Variants in MCC observed in about 807,000 individuals in gnomAD.
The protein encoded by MCC is colorectal mutant cancer protein.
A neutral mutation model predicts 116.2 loss-of-function variants in MCC; 90 were observed. The observed-to-expected ratio is 0.77, with a 90% CI of 0.65 to 0.92. MCC has a LOEUF of 0.92. Ranked by LOEUF, MCC falls within the 40% of genes least tolerant of loss-of-function variation. MCC has a pLI of 0.00. For synonymous variants in MCC, 578 were observed against 510.5 expected (o/e 1.13, Z -1.78); for missense variants, 1,516 against 1,312.2 (o/e 1.16, Z -2.40).
chr5:113,132,745 A>C (rs1184230402), intron 5 of MCC, among the ~76,000 whole-genome samples: 1 of 152,090 alleles, frequency 6.6e-6, no homozygotes, highest in Non-Finnish European at 1.5e-5. Flanking sequence ...AACTTTTACC[A>C]CTGGATAATT....
intron 3 of MCC, among the ~76,000 whole-genome samples, chr5:113,261,192 C>G (rs1381774788): frequency 2.0e-5 from 3 of 152,152 alleles, no homozygotes; most frequent in Non-Finnish European, 2.9e-5. Context: ...GCTCAAAACA[C>G]TTGCACTAGC....
rs1764148895 is a variant in MCC, at chr5:113,236,782, C to G, written c.628-85360G>C. On this transcript the variant is annotated intron_variant, in intron 3 of 18. Coordinates refer to ENST00000408903, the MANE Select transcript of MCC (RefSeq NM_001085377.2). ...GAGGAGAACTAAGGCCCCTCCCTCC[C>G]TCCTCAAACTGATCGGATGTTTGTT... Among the ~76,000 whole-genome samples, 3 of 152,158 alleles carry G rather than the reference C, an allele frequency of 2.0e-5. No individual in the cohort carries two copies. The South Asian group carries it at 6.2e-4, about 32-fold the overall frequency.
rs140640086 is a variant in MCC, at chr5:113,193,402, T to C, written c.628-41980A>G. Among the ~76,000 whole-genome samples the C allele has an allele frequency of 1.6e-4, 24 of 152,328 alleles. No individual in the cohort carries two copies. In the East Asian group the frequency reaches 4.6e-3, roughly 29 times the overall value. ...TTCAACCCAACAGATGTTCTTATTA[T>C]ATTAAGCTATTTGAGAATGGTAACA... On this transcript the variant is annotated intron_variant, in intron 3 of 18. Transcript: ENST00000408903.
intron 1 of MCC, among the ~76,000 whole-genome samples, chr5:113,463,467 A>G (rs1561585762): frequency 6.6e-6 from 1 of 152,300 alleles, no homozygotes; most frequent in South Asian, 2.1e-4. Context: ...AAAAGGTAAA[A>G]TAATAGGACT....
intron 5 of MCC, among the ~76,000 whole-genome samples, chr5:113,137,841 A>ATCTCT (rs1205168669): frequency 1.6e-4 from 24 of 152,040 alleles, no homozygotes; most frequent in African/African-American, 5.8e-4. Flanking sequence ...GGCATTGAAA[A>ATCTCT]AGGTTACCTC....
chr5:113,384,547 C>T (rs1769201840), intron 2 of MCC, among the ~76,000 whole-genome samples: 1 of 152,208 alleles, frequency 6.6e-6, no homozygotes, highest in Non-Finnish European at 1.5e-5. Context: ...GAGATCCCGC[C>T]ACTGCACGCC....
At chr5:113,166,736 A>G (rs368838463) in intron 3 of MCC, among the ~76,000 whole-genome samples, 3,074 of 151,364 alleles carry the variant, frequency 0.02, 123 homozygotes, top group African/African-American at 0.07. Flanking sequence ...CCAAAAAACC[A>G]AAAAAACAAA....
chr5:113,448,410 T>C (rs1210358509), intron 1 of MCC: 1 of 151,836 alleles, frequency 6.6e-6, no homozygotes, highest in East Asian at 1.9e-4. Flanking sequence ...GGGTAAACAC[T>C]TTGTTTAAAT....
chr5:113,390,454 A>G (rs1347672562), intron 1 of MCC, among the ~76,000 whole-genome samples: 1 of 152,178 alleles, frequency 6.6e-6, no homozygotes, highest in Non-Finnish European at 1.5e-5. Flanking sequence ...GCAGAACTAA[A>G]ATGACTTCAG....
chr5:113,179,795 G>T (rs1240192824), intron 3 of MCC, among the ~76,000 whole-genome samples: 1 of 152,184 alleles, frequency 6.6e-6, no homozygotes, highest in Non-Finnish European at 1.5e-5. Context: ...GAACATTAGA[G>T]CCAAGGCCTG....
chr5:113,396,850 T>A (rs1432342963), intron 1 of MCC, among the ~76,000 whole-genome samples: 1 of 152,204 alleles, frequency 6.6e-6, no homozygotes, highest in Non-Finnish European at 1.5e-5. Context: ...TTTCTTCTTT[T>A]GCTTTTGATC....
chr5:113,280,714 G>T (rs1766011202), intron 3 of MCC, among the ~76,000 whole-genome samples: 1 of 152,164 alleles, frequency 6.6e-6, no homozygotes, highest in Admixed American at 6.5e-5. Context: ...GGAGGAGGAG[G>T]AAGAATACTG....
chr5:113,253,057 A>C (rs1764860952), intron 3 of MCC, among the ~76,000 whole-genome samples: 1 of 152,190 alleles, frequency 6.6e-6, no homozygotes, highest in Non-Finnish European at 1.5e-5. Flanking sequence ...GTAATACCCC[A>C]GGGCTTCTAG....
chr5:113,038,412 G>A (rs1751463858), intron 17 of MCC, among the ~76,000 whole-genome samples: 1 of 152,134 alleles, frequency 6.6e-6, no homozygotes, highest in African/African-American at 2.4e-5. Context: ...GTTAAGGAGG[G>A]GAGTTGGGGG....
At chr5:113,079,045 G>C (rs1219900263) in intron 11 of MCC, among the ~76,000 whole-genome samples, 3 of 152,108 alleles carry the variant, frequency 2.0e-5, no homozygotes, top group African/African-American at 7.2e-5. Flanking sequence ...ATCATGAGTG[G>C]ACTCCCATTC....
chr5:113,192,728 C>A (rs1762206098), intron 3 of MCC, among the ~76,000 whole-genome samples: 1 of 152,196 alleles, frequency 6.6e-6, no homozygotes, highest in East Asian at 1.9e-4. Context: ...AAGGAAGAAC[C>A]TGCTAAGCCT....
At chr5:113,042,653 GTC>G (rs1365072494) in intron 17 of MCC, among the ~76,000 whole-genome samples, 2 of 151,766 alleles carry the variant, frequency 1.3e-5, no homozygotes, top group African/African-American at 4.8e-5. Context: ...CAAAAAATCT[GTC>G]TCTCCAGAAC....
At chr5:113,120,903 T>C (rs1757698180) in intron 6 of MCC, among the ~76,000 whole-genome samples, 1 of 152,174 alleles carries the variant, frequency 6.6e-6, no homozygotes, top group African/African-American at 2.4e-5. Context: ...CAAGACACTA[T>C]AAACCCATGG....
At chr5:113,173,913 C>T (rs1761196793) in intron 3 of MCC, among the ~76,000 whole-genome samples, 2 of 152,174 alleles carry the variant, frequency 1.3e-5, no homozygotes, top group Admixed American at 1.3e-4. Context: ...GCCCACCACA[C>T]CACTCTAACA....
Sources: allele counts gnomAD v4.1 joint callset (sites outside exome capture counted in the v4.1 genomes callset), GRCh38; gene constraint gnomAD v4.1.1; transcripts MANE v1.5; gene names NCBI Gene and HGNC (gene_info 2026-07-23, HGNC 2026-07-21).